ZNF620: variants seen among roughly 807,000 people sequenced by gnomAD.
The protein encoded by ZNF620 is zinc finger protein 620.
A neutral mutation model predicts 13.3 loss-of-function variants in ZNF620; 10 were observed. The ratio of observed to expected loss-of-function variants is 0.75; its 90% CI spans 0.46 to 1.28. The LOEUF is 1.28. Among genes scored for constraint, ZNF620 ranks in the 50% most tolerant of loss-of-function variants. ZNF620 has a pLI of 0.00. For synonymous variants in ZNF620, 166 were observed against 177.6 expected, an observed-to-expected ratio of 0.93 and a Z score of 0.52; for missense variants, 461 against 500.2, an observed-to-expected ratio of 0.92 and a Z score of 0.75.
At chr3:40,512,351 TCC>T (rs766501407) in intron 3 of ZNF620, 49 bp from the exon 4 acceptor site, 11 of 1,500,310 alleles carry the variant, frequency 7.3e-6, no homozygotes, top group Non-Finnish European at 9.3e-6. Flanking sequence ...TGCAAGAGGA[TCC>T]TGGTTCCTGA....
intron 4 of ZNF620, among the ~76,000 whole-genome samples, chr3:40,514,667 G>T (rs1231295373): frequency 1.3e-5 from 2 of 152,098 alleles, no homozygotes; most frequent in South Asian, 4.1e-4. Context: ...AGCTCCTGGG[G>T]AGGCTGAAGC....
Position 40,516,283 on chromosome 3 carries a change from G to A in ZNF620, c.689G>A (p.Gly230Glu), listed in dbSNP as rs774465325. ...AAGTCTTTTGAATGCAAAGAATGTG[G>A]AAAATACTTCAGATATAACTCATTA... ...GEKSFECKECGKYFRYNSLLI... is the reference protein window; with the variant it reads ...GEKSFECKECEKYFRYNSLLI... Residue 230 changes from glycine (G) to glutamate (E), a missense_variant, in exon 5 of 5, where the codon GGA becomes GAA. Coordinates refer to ENST00000314529, the MANE Select transcript of ZNF620 (RefSeq NM_175888.4). The A allele has an allele frequency of 6.2e-7, 1 of 1,614,170 alleles. No individual in the cohort carries two copies. Among genetic ancestry groups the A allele is most frequent in the Non-Finnish European group, 8.5e-7 (1 of 1,180,046 alleles).
chr3:40,510,743 T>G (rs1698168142), intron 2 of ZNF620, among the ~76,000 whole-genome samples: 1 of 152,176 alleles, frequency 6.6e-6, no homozygotes, highest in South Asian at 2.1e-4. Flanking sequence ...TTGGCTTTGA[T>G]TCTTCTCTCT....
Position 40,511,607 on chromosome 3 carries a change from T to A in ZNF620, c.151+11T>A. 1 of 1,611,892 alleles carries A rather than the reference T, an allele frequency of 6.2e-7. No individual in the cohort carries two copies. The highest frequency in any genetic ancestry group is 2.2e-5 in the East Asian group (1 of 44,848). On this transcript the variant is annotated intron_variant, in intron 3 of 4. Coordinates refer to ENST00000314529, the MANE Select transcript of ZNF620 (RefSeq NM_175888.4). The stretch of plus-strand genomic sequence containing the variant: ...ATGTGGCTTCCCTGGGTAAGACATT[T>A]CTTCTTGTTTTTGGCCTCTGCCCTT...
At chr3:40,507,089 G>GTTTTTTTTTT (rs370195603) in intron 2 of ZNF620, among the ~76,000 whole-genome samples, 1 of 98,164 alleles carries the variant, frequency 1.0e-5, no homozygotes, top group African/African-American at 4.2e-5. Flanking sequence ...TGACCATATG[G>GTTTTTTTTTT]TTTTTTTTTT....
Position 40,516,368 on chromosome 3 carries a change from A to G in ZNF620, c.774A>G (p.Gly258=), listed in dbSNP as rs1276532001. ...GKKPFKCKEC[G]KGLSSDTALI... ...AACCATTTAAATGTAAAGAATGTGG[A>G]AAAGGTTTAAGTTCAGACACAGCCT... Residue 258 remains glycine (G), a synonymous_variant, in exon 5 of 5, where the codon GGA becomes GGG. Coordinates refer to ENST00000314529, the MANE Select transcript of ZNF620 (RefSeq NM_175888.4). The G allele has an allele frequency of 6.2e-7, 1 of 1,614,252 alleles. No homozygotes were observed. Among genetic ancestry groups the G allele is most frequent in the South Asian group, 1.1e-5 (1 of 91,090 alleles).
intron 4 of ZNF620, among the ~76,000 whole-genome samples, chr3:40,514,080 C>T (rs953934451): frequency 5.9e-5 from 9 of 152,176 alleles, no homozygotes; most frequent in Non-Finnish European, 1.0e-4. Context: ...GAGAAGACTG[C>T]TCCACCACCT....
At chr3:40,511,381 A>G (rs1186821864) in intron 2 of ZNF620, 89 bp from the exon 3 acceptor site, 9 of 1,525,502 alleles carry the variant, frequency 5.9e-6, no homozygotes. Flanking sequence ...GTCCTTGGCA[A>G]TACCACTAGA....
rs1364211226 is a variant in ZNF620 at position 40,506,358 on chromosome 3, C to T, written c.6C>T (p.Phe2=). 6.2e-7 allele frequency: 1 copy of T among 1,613,940 alleles called. No homozygotes were observed. The highest frequency in any genetic ancestry group is 1.3e-5 in the African/African-American group (1 of 74,904). Residue 2 remains phenylalanine (F), a synonymous_variant, in exon 2 of 5, where the codon TTC becomes TTT. Transcript: ENST00000314529. ...GTGAAGCTGGGACGCCAGCCATGTT[C>T]CAGACCGCTTGGCGCCAGGTGAGTG... The part of the protein sequence containing the change: M[F]QTAWRQEPVT...
At chr3:40,507,844 C>G (rs1437102856) in intron 2 of ZNF620, among the ~76,000 whole-genome samples, 4 of 152,056 alleles carry the variant, frequency 2.6e-5, no homozygotes, top group African/African-American at 4.8e-5. Context: ...GTTGCCCAGG[C>G]TGACCTCAAA....
Position 40,506,072 on chromosome 3 carries a change from T to C in ZNF620, c.-116T>C. Reference sequence around the variant, plus strand: ...CCCGGTGTCGGCGGCAGGTGGAATTTCCACGCTTTATCTGCGCCTGCGCCG... The same window carrying C: ...CCCGGTGTCGGCGGCAGGTGGAATTCCCACGCTTTATCTGCGCCTGCGCCG... On this transcript the variant is annotated 5_prime_UTR_variant, in exon 1 of 5. Coordinates refer to ENST00000314529, the MANE Select transcript of ZNF620 (RefSeq NM_175888.4). 1 of 541,544 alleles carries C rather than the reference T, an allele frequency of 1.8e-6. No individual in the cohort carries two copies. Among genetic ancestry groups the C allele is most frequent in the East Asian group, 3.3e-5 (1 of 30,558 alleles). 33.5% of individuals were successfully genotyped at this position (541,544 alleles called of 1,614,324 possible).
intron 2 of ZNF620, among the ~76,000 whole-genome samples, chr3:40,510,487 C>A (rs776927627): frequency 6.6e-6 from 1 of 151,044 alleles, no homozygotes; most frequent in Admixed American, 6.6e-5. Context: ...CATTCATTGT[C>A]CTAAATACTT....
rs1430844472 is a variant in ZNF620 at position 40,513,314 on chromosome 3, AAAATATAT to A, written c.265+801_265+808del. ...ACCCCGTCTCAACTAAAAAAAAAAA[AAAATATAT>A]ATATATATATATATATATATATATA... is the stretch of plus-strand genomic sequence containing the variant. On this transcript the variant is annotated intron_variant, in intron 4 of 4. Coordinates refer to ENST00000314529, the MANE Select transcript of ZNF620 (RefSeq NM_175888.4). Among the ~76,000 whole-genome samples the A allele has an allele frequency of 8.5e-4, 58 of 67,868 alleles. 1 individual carries two copies. Among genetic ancestry groups the A allele is most frequent in the Non-Finnish European group, 1.3e-3 (49 of 37,526 alleles). 44.5% of individuals were successfully genotyped at this position (67,868 alleles called of 152,430 possible).
rs1052055871 is a variant in ZNF620, at chr3:40,516,422, A to T, written c.828A>T (p.Gly276=). Residue 276 remains glycine (G), a synonymous_variant, in exon 5 of 5, where the codon GGA becomes GGT. Transcript: ENST00000314529. ...TTCAGCATCAGAGAATCCACACTGG[A>T]GAAAAGCCCTATGAATGTAAGGAGT... The part of the protein sequence containing the change: ...ALIQHQRIHT[G]EKPYECKECG... 16 of 1,614,058 alleles carry T rather than the reference A, an allele frequency of 9.9e-6. No individual in the cohort carries two copies. Among genetic ancestry groups the T allele is most frequent in the Non-Finnish European group, 1.4e-5 (16 of 1,180,034 alleles).
Position 40,517,443 on chromosome 3 carries a change from G to C in ZNF620, c.*580G>C, listed in dbSNP as rs987204638. On this transcript the variant is annotated 3_prime_UTR_variant, in exon 5 of 5. Coordinates refer to ENST00000314529, the MANE Select transcript of ZNF620 (RefSeq NM_175888.4). ...CATGCCTGTAATCCCAGCTACTAGAGAGGCTGAGGCAGGAGAATCACTTGA... is the reference window on the plus strand; with the variant it reads ...CATGCCTGTAATCCCAGCTACTAGACAGGCTGAGGCAGGAGAATCACTTGA... The C allele has an allele frequency of 6.6e-6, 1 of 151,990 alleles. No homozygotes were observed. The highest frequency in any genetic ancestry group is 1.5e-5 in the Non-Finnish European group (1 of 68,028). The allele number at this position is 151,990 out of a possible 1,614,324, so 9.4% of individuals were successfully genotyped here.
At position 40,515,408 on chromosome 3, in the gene ZNF620, ATC is replaced by A. The variant is rs1204147047; in HGVS notation, c.266-449_266-448del. On this transcript the variant is annotated intron_variant, in intron 4 of 4. Transcript: ENST00000314529. ...TCTTTTAACAAGCATCTCTTAAGGA[ATC>A]TCAGCCTGTGGGACCTGTTGTAGTG... 3.3e-5 allele frequency among the ~76,000 whole-genome samples: 5 copies of A among 152,162 alleles called. No individual in the cohort carries two copies. The East Asian group carries it at 9.6e-4, about 29-fold the overall frequency.
rs1339316801 is a variant in ZNF620 at position 40,518,588 on chromosome 3, G to A, written c.*1725G>A. 3.9e-5 allele frequency: 6 copies of A among 151,902 alleles called. No individual in the cohort carries two copies. The highest frequency in any genetic ancestry group is 1.5e-4 in the African/African-American group (6 of 41,356). 9.4% of individuals were successfully genotyped at this position (151,902 alleles called of 1,614,324 possible). On this transcript the variant is annotated 3_prime_UTR_variant, in exon 5 of 5. Transcript: ENST00000314529. ...ACTAAAAGTACAAAAAATTAGCTGG[G>A]CGTGGGGTGACATGTGCCTGTAGTC... is the stretch of plus-strand genomic sequence containing the variant.
intron 4 of ZNF620, 142 bp downstream of exon 4, chr3:40,512,657 G>T: frequency 1.6e-6 from 1 of 640,066 alleles, no homozygotes; most frequent in East Asian, 2.9e-5. Flanking sequence ...CTGAGTTCAT[G>T]GTGGTAGCCT....
In ZNF620 at chr3:40,516,929, T is replaced by G. The variant is rs950682520; in HGVS notation, c.*66T>G. 35 of 1,487,458 alleles carry G rather than the reference T, an allele frequency of 2.4e-5. No individual in the cohort carries two copies. The highest frequency in any genetic ancestry group is 3.1e-5 in the Non-Finnish European group (34 of 1,111,692). The allele number at this position is 1,487,458 out of a possible 1,614,324, so 92.1% of individuals were successfully genotyped here. On this transcript the variant is annotated 3_prime_UTR_variant, in exon 5 of 5. Coordinates refer to ENST00000314529, the MANE Select transcript of ZNF620 (RefSeq NM_175888.4). ...TCTTTATTTTCATGCTTTTTATCAG[T>G]GTCCTCGCTGTCCTTCCTGGTTAGA...
Sources: allele counts gnomAD v4.1 joint callset (sites outside exome capture counted in the v4.1 genomes callset), GRCh38; gene constraint gnomAD v4.1.1; transcripts MANE v1.5; gene names NCBI Gene and HGNC (gene_info 2026-07-23, HGNC 2026-07-21).